The following DMXL2 variants were observed in gnomAD, a reference collection of about 807,000 sequenced individuals.
DMXL2 encodes the protein Dmx like 2, also known as dmX-like protein 2.
Under a neutral mutation model 331.1 loss-of-function variants are expected in DMXL2, and 103 were observed. The observed-to-expected ratio is 0.31, with a 90% CI of 0.27 to 0.37. The LOEUF is 0.37. Ranked by LOEUF, DMXL2 falls within the 10% of genes least tolerant of loss-of-function variation. DMXL2 has a pLI of 1.00. For synonymous variants in DMXL2, 1,281 were observed against 1,252.1 expected (o/e 1.02, Z -0.49); for missense variants, 3,171 against 3,642.9 (o/e 0.87, Z 3.33).
At chr15:51,526,533 T>C (rs918317121) in intron 13 of DMXL2, among the ~76,000 whole-genome samples, 1 of 152,168 alleles carries the variant, frequency 6.6e-6, no homozygotes, top group African/African-American at 2.4e-5. Context: ...CAGGAAAACA[T>C]GACCTCACCA....
chr15:51,523,915 T>C (rs551057863), intron 13 of DMXL2, among the ~76,000 whole-genome samples: 3 of 152,190 alleles, frequency 2.0e-5, no homozygotes, highest in South Asian at 2.1e-4. Context: ...CAAGACTTGA[T>C]AGAATGATTA....
At chr15:51,506,469 T>C (rs2140542971) in intron 16 of DMXL2, among the ~76,000 whole-genome samples, 1 of 149,620 alleles carries the variant, frequency 6.7e-6, no homozygotes, top group Non-Finnish European at 1.5e-5. Flanking sequence ...TTTTTTTTTT[T>C]TTGAGATGGA....
At chr15:51,510,192 G>C (rs1051289833) in intron 15 of DMXL2, among the ~76,000 whole-genome samples, 8 of 152,316 alleles carry the variant, frequency 5.3e-5, no homozygotes, top group African/African-American at 1.9e-4. Flanking sequence ...ACATGGTACT[G>C]AAAGTTCTGG....
chr15:51,615,955 T>C (rs1392264942), intron 1 of DMXL2, among the ~76,000 whole-genome samples: 2 of 152,242 alleles, frequency 1.3e-5, no homozygotes, highest in Non-Finnish European at 2.9e-5. Flanking sequence ...TACGACTTTT[T>C]GAGTTTCTCC....
intron 14 of DMXL2, among the ~76,000 whole-genome samples, chr15:51,516,764 G>A (rs906932809): frequency 1.4e-4 from 21 of 152,160 alleles, no homozygotes; most frequent in South Asian, 6.2e-4. Flanking sequence ...TACCTAACAT[G>A]TGGTTTTTCA....
chr15:51,571,497 A>G (rs1315386744), intron 2 of DMXL2, among the ~76,000 whole-genome samples: 1 of 152,186 alleles, frequency 6.6e-6, no homozygotes, highest in Admixed American at 6.5e-5. Flanking sequence ...TCTCAGCACC[A>G]CATCACACTT....
At chr15:51,494,934 T>TG (rs1338295992) in intron 19 of DMXL2, 90 bp downstream of exon 19, 1 of 841,304 alleles carries the variant, frequency 1.2e-6, no homozygotes, top group Non-Finnish European at 1.9e-6. Flanking sequence ...ACGTAATGAC[T>TG]TACCTAATGT....
chr15:51,535,639 T>C, intron 13 of DMXL2, 24 bp downstream of exon 13: 1 of 1,565,518 alleles, frequency 6.4e-7, no homozygotes, highest in Non-Finnish European at 8.6e-7. Context: ...TTAGATAAAT[T>C]AATAAAGATT....
At chr15:51,470,922 T>A (rs2041044746) in intron 29 of DMXL2, among the ~76,000 whole-genome samples, 1 of 152,142 alleles carries the variant, frequency 6.6e-6, no homozygotes, top group African/African-American at 2.4e-5. Flanking sequence ...AAGAGGGGTG[T>A]CTAGGTGGTA....
intron 33 of DMXL2, chr15:51,459,861 G>A: frequency 8.7e-7 from 1 of 1,150,628 alleles, no homozygotes; most frequent in Non-Finnish European, 1.1e-6. Flanking sequence ...AAATTAATGT[G>A]ACTATTACAT....
chr15:51,507,607 A>G (rs1201317827), intron 15 of DMXL2, among the ~76,000 whole-genome samples: 1 of 152,162 alleles, frequency 6.6e-6, no homozygotes, highest in Non-Finnish European at 1.5e-5. Context: ...TAAAAAAGAA[A>G]GCAAAGGAAA....
At chr15:51,559,453 G>A (rs750031436) in intron 6 of DMXL2, among the ~76,000 whole-genome samples, 4 of 152,158 alleles carry the variant, frequency 2.6e-5, no homozygotes, top group Admixed American at 6.5e-5. Flanking sequence ...AGTGGCTCAC[G>A]CCTGTAATCT....
intron 29 of DMXL2, among the ~76,000 whole-genome samples, chr15:51,469,589 C>A (rs185407938): frequency 6.6e-6 from 1 of 152,196 alleles, no homozygotes; most frequent in Non-Finnish European, 1.5e-5. Context: ...TGCTATTTCC[C>A]TTCTTTATAA....
At chr15:51,542,220 GTATTT>G (rs1485283804) in intron 9 of DMXL2, 108 bp downstream of exon 9, 1 of 1,030,988 alleles carries the variant, frequency 9.7e-7, no homozygotes, top group Non-Finnish European at 1.4e-6. Flanking sequence ...CTCCAATTAA[GTATTT>G]TAAAGGCAAC....
chr15:51,564,417 T>C (rs556920579), intron 4 of DMXL2, among the ~76,000 whole-genome samples, 157 bp from the exon 5 acceptor site: 3 of 152,022 alleles, frequency 2.0e-5, no homozygotes, highest in Non-Finnish European at 4.4e-5. Context: ...TTAAAGTCCC[T>C]TATAAGAAAA....
At chr15:51,527,635 T>C (rs899283118) in intron 13 of DMXL2, among the ~76,000 whole-genome samples, 1 of 151,064 alleles carries the variant, frequency 6.6e-6, no homozygotes, top group Admixed American at 6.6e-5. Context: ...GGCAGGATAA[T>C]TGCTTGCACC....
At chr15:51,554,589 ACT>A (rs1449713462) in intron 6 of DMXL2, among the ~76,000 whole-genome samples, 1 of 152,234 alleles carries the variant, frequency 6.6e-6, no homozygotes, top group Admixed American at 6.5e-5. Context: ...ATCCAGAAAT[ACT>A]GTTTTATTAT....
chr15:51,564,972 A>G, intron 4 of DMXL2, 116 bp downstream of exon 4: 2 of 634,764 alleles, frequency 3.2e-6, no homozygotes, highest in Non-Finnish European at 4.8e-6. Context: ...TTCATCAACA[A>G]AAAGAAAATA....
intron 13 of DMXL2, among the ~76,000 whole-genome samples, chr15:51,519,762 C>A (rs2047247230): frequency 6.6e-6 from 1 of 150,576 alleles, no homozygotes; most frequent in African/African-American, 2.4e-5. Flanking sequence ...CCTGTCTTAG[C>A]CTCCCGAGTA....
Sources: gnomAD v4.1 joint callset for allele counts (sites outside exome capture counted in the v4.1 genomes callset) on GRCh38, gnomAD v4.1.1 for gene constraint, MANE v1.5 for transcripts, NCBI Gene and HGNC (gene_info 2026-07-23, HGNC 2026-07-21) for gene names.